PPM1L: variants seen among roughly 807,000 people sequenced by gnomAD.
The protein encoded by PPM1L is protein phosphatase, Mg2+/Mn2+ dependent 1L.
In PPM1L, 13 loss-of-function variants were observed where a neutral mutation model predicts 31.4. That is an observed-to-expected ratio of 0.41 (90% CI 0.27 to 0.66). The LOEUF (loss-of-function observed/expected upper bound fraction) is 0.66. Among genes scored for constraint, PPM1L ranks in the 30% least tolerant of loss-of-function variants. PPM1L has a pLI of 0.29. For synonymous variants in PPM1L, 184 were observed against 175.4 expected, an observed-to-expected ratio of 1.05 and a Z score of -0.39; for missense variants, 326 against 453.7, an observed-to-expected ratio of 0.72 and a Z score of 2.56.
In PPM1L at chr3:161,075,010, G is replaced by A. The variant is rs1466674084; in HGVS notation, c.*5853G>A. ...TCTCAAAAACCTCCGAGGACATTGA[G>A]CACAAGCAGATTACTGTAAGGGCAC... On this transcript the variant is annotated 3_prime_UTR_variant, in exon 4 of 4. Transcript: ENST00000498165. The A allele has an allele frequency of 1.3e-5, 2 of 152,062 alleles. No individual in the cohort carries two copies. Among genetic ancestry groups the A allele is most frequent in the Non-Finnish European group, 2.9e-5 (2 of 68,024 alleles). 9.4% of individuals were successfully genotyped at this position (152,062 alleles called of 1,614,324 possible).
At chr3:160,836,745 C>A (rs1713728495) in intron 1 of PPM1L, among the ~76,000 whole-genome samples, 1 of 152,192 alleles carries the variant, frequency 6.6e-6, no homozygotes, top group African/African-American at 2.4e-5. Context: ...GTCAATCAAG[C>A]ACTCTTGGTT....
intron 2 of PPM1L, among the ~76,000 whole-genome samples, chr3:161,038,103 G>A (rs1378070484): frequency 2.0e-5 from 3 of 151,122 alleles, no homozygotes; most frequent in African/African-American, 7.3e-5. Flanking sequence ...GCGTAGTGGC[G>A]GGCGCCTGTA....
At chr3:160,930,395 A>G (rs1008465957) in intron 1 of PPM1L, among the ~76,000 whole-genome samples, 1 of 152,256 alleles carries the variant, frequency 6.6e-6, no homozygotes, top group Non-Finnish European at 1.5e-5. Flanking sequence ...TTCTTGAAGA[A>G]GAAAACACTT....
intron 1 of PPM1L, among the ~76,000 whole-genome samples, chr3:160,911,347 T>C (rs1173395224): frequency 6.6e-6 from 1 of 152,154 alleles, no homozygotes; most frequent in Admixed American, 6.5e-5. Context: ...GCCAGACAGG[T>C]CACCAATCCT....
At chr3:160,836,646 C>G (rs1713725321) in intron 1 of PPM1L, among the ~76,000 whole-genome samples, 1 of 152,184 alleles carries the variant, frequency 6.6e-6, no homozygotes, top group Non-Finnish European at 1.5e-5. Context: ...CCCTGTAGTT[C>G]CTGCCTTGTA....
intron 1 of PPM1L, among the ~76,000 whole-genome samples, chr3:160,853,977 G>C (rs1430214776): frequency 6.6e-6 from 1 of 152,108 alleles, no homozygotes; most frequent in African/African-American, 2.4e-5. Context: ...CTTATATTCT[G>C]ATCACAAGTC....
At chr3:160,902,360 A>G (rs1417939816) in intron 1 of PPM1L, among the ~76,000 whole-genome samples, 1 of 152,136 alleles carries the variant, frequency 6.6e-6, no homozygotes, top group Admixed American at 6.6e-5. Flanking sequence ...ATTTTCATCT[A>G]AAGGAACCCA....
At chr3:160,795,282 G>T (rs1712215673) in intron 1 of PPM1L, among the ~76,000 whole-genome samples, 1 of 152,116 alleles carries the variant, frequency 6.6e-6, no homozygotes. Context: ...CTAGACCAGG[G>T]TTTAGATCTG....
chr3:160,955,808 G>A (rs757053178), intron 1 of PPM1L, among the ~76,000 whole-genome samples: 7 of 151,082 alleles, frequency 4.6e-5, no homozygotes, highest in East Asian at 1.9e-4. Flanking sequence ...CCGCCACCAC[G>A]TCCGGATAAT....
At chr3:161,044,270 C>A (rs2108091549) in intron 2 of PPM1L, among the ~76,000 whole-genome samples, 1 of 152,178 alleles carries the variant, frequency 6.6e-6, no homozygotes, top group South Asian at 2.1e-4. Context: ...GAACTCCTGA[C>A]CTCAAATGAT....
At chr3:160,990,012 T>G (rs954974153) in intron 2 of PPM1L, among the ~76,000 whole-genome samples, 2 of 85,812 alleles carry the variant, frequency 2.3e-5, no homozygotes, top group African/African-American at 1.3e-4. Context: ...GTTTTGTTTT[T>G]GAGACAAGAT....
At chr3:161,027,382 A>G (rs1181466292) in intron 2 of PPM1L, among the ~76,000 whole-genome samples, 1 of 152,196 alleles carries the variant, frequency 6.6e-6, no homozygotes, top group East Asian at 1.9e-4. Flanking sequence ...GACACTGGGT[A>G]ATTTATACAG....
chr3:161,065,546 AAG>A lies in PPM1L; in HGVS notation c.721_722del (p.Arg241AspfsTer47). 1 of 1,613,936 alleles carries A rather than the reference AAG, an allele frequency of 6.2e-7. No homozygotes were observed. Among genetic ancestry groups the A allele is most frequent in the Non-Finnish European group, 8.5e-7 (1 of 1,179,854 alleles). On this transcript the variant is annotated frameshift_variant, in exon 3 of 4. Coordinates refer to ENST00000498165, the MANE Select transcript of PPM1L (RefSeq NM_139245.4). LOFTEE classifies it high-confidence loss of function. ...DHKPYQLKERKRIKRAGGFIS... is the reference protein window; with the variant it reads ...DHKPYQLKERXRIKRAGGFIS... The stretch of plus-strand genomic sequence containing the variant: ...CAAGCCTTACCAGTTGAAGGAAAGA[AAG>A]AGGATAAAGAGAGCAGGTGAGCTTG...
chr3:160,931,572 A>G (rs1714789914), intron 1 of PPM1L, among the ~76,000 whole-genome samples: 1 of 152,226 alleles, frequency 6.6e-6, no homozygotes, highest in Admixed American at 6.5e-5. Context: ...AGAAAAAGAA[A>G]AAGATGGGAG....
At chr3:160,925,807 A>T (rs1337456259) in intron 1 of PPM1L, among the ~76,000 whole-genome samples, 1 of 152,308 alleles carries the variant, frequency 6.6e-6, no homozygotes, top group African/African-American at 2.4e-5. Flanking sequence ...CTGAAGAACT[A>T]ATTAGGGGTA....
At chr3:160,805,744 G>A (rs1023841831) in intron 1 of PPM1L, among the ~76,000 whole-genome samples, 1 of 151,968 alleles carries the variant, frequency 6.6e-6, no homozygotes, top group African/African-American at 2.4e-5. Context: ...AAATAAAAAT[G>A]AACTTGAATC....
intron 1 of PPM1L, among the ~76,000 whole-genome samples, chr3:160,768,726 G>C (rs760423052): frequency 3.3e-5 from 5 of 152,106 alleles, no homozygotes; most frequent in Admixed American, 6.5e-5. Context: ...TGGCCACCTA[G>C]ATGGTACATT....
chr3:160,845,584 T>C (rs967971512), intron 1 of PPM1L, among the ~76,000 whole-genome samples: 1 of 152,020 alleles, frequency 6.6e-6, no homozygotes, highest in African/African-American at 2.4e-5. Flanking sequence ...TAAGCCAAGG[T>C]CACAAATTTA....
intron 1 of PPM1L, among the ~76,000 whole-genome samples, chr3:160,863,074 A>G (rs1285577903): frequency 6.6e-6 from 1 of 152,204 alleles, no homozygotes; most frequent in Non-Finnish European, 1.5e-5. Context: ...TTATTTTTCC[A>G]GACTTTCCAC....
Sources: gnomAD v4.1 joint callset for allele counts (sites outside exome capture counted in the v4.1 genomes callset) on GRCh38, gnomAD v4.1.1 for gene constraint, MANE v1.5 for transcripts, NCBI Gene and HGNC (gene_info 2026-07-23, HGNC 2026-07-21) for gene names.